Variants in CHDH observed in about 807,000 individuals in gnomAD.
CHDH encodes choline dehydrogenase.
CHDH carries 43 observed loss-of-function variants against 56.9 expected under a neutral mutation model. The observed-to-expected ratio is 0.76, with a 90% CI of 0.59 to 0.97. CHDH has a LOEUF of 0.97. CHDH is among the 50% of genes least tolerant of loss of function. CHDH has a pLI of 0.00. For synonymous variants in CHDH, 364 were observed against 348.5 expected (o/e 1.04, Z -0.50); for missense variants, 816 against 821.1 (o/e 0.99, Z 0.08).
At chr3:53,826,660 T>TA (rs2095639622) in intron 2 of CHDH, among the ~76,000 whole-genome samples, 1 of 152,136 alleles carries the variant, frequency 6.6e-6, no homozygotes, top group Non-Finnish European at 1.5e-5. Context: ...TACCTGACGG[T>TA]AAAAAATTCA....
rs2095615865 is a variant in CHDH at position 53,816,235 on chromosome 3, A to G, written c.*1542T>C. 1 of 145,232 alleles carries G rather than the reference A, an allele frequency of 6.9e-6. No individual in the cohort carries two copies. 9.0% of individuals were successfully genotyped at this position (145,232 alleles called of 1,614,324 possible). On this transcript the variant is annotated 3_prime_UTR_variant, in exon 9 of 9. Coordinates refer to ENST00000315251, the MANE Select transcript of CHDH (RefSeq NM_018397.5). Reference sequence around the variant, plus strand: ...CTCCCGTCCTTATTCTGGGCCTAGTATAGCTGCAGGTTTCCACGCAACAAT... The same window carrying G: ...CTCCCGTCCTTATTCTGGGCCTAGTGTAGCTGCAGGTTTCCACGCAACAAT...
At chr3:53,835,576 G>C (rs1162553808) in intron 2 of CHDH, among the ~76,000 whole-genome samples, 1 of 152,162 alleles carries the variant, frequency 6.6e-6, no homozygotes, top group East Asian at 1.9e-4. Flanking sequence ...TTTTCCATCT[G>C]GCCTTCTAGT....
rs1191479507 is a variant in CHDH, at chr3:53,813,272, CTTTT to C, written c.*4501_*4504del. On this transcript the variant is annotated 3_prime_UTR_variant, in exon 9 of 9. Transcript: ENST00000315251. ...AAATGACTCTTTCCTGACATAAATC[CTTTT>C]TTATTAAAATGCAAAATGTTCTTCA... 6.6e-6 allele frequency: 1 copy of C among 151,890 alleles called. No individual in the cohort carries two copies. Among genetic ancestry groups the C allele is most frequent in the Non-Finnish European group, 1.5e-5 (1 of 67,986 alleles). 9.4% of individuals were successfully genotyped at this position (151,890 alleles called of 1,614,324 possible).
At chr3:53,845,269 G>C (rs570657644) in intron 1 of CHDH, among the ~76,000 whole-genome samples, 2 of 152,300 alleles carry the variant, frequency 1.3e-5, no homozygotes, top group African/African-American at 4.8e-5. Context: ...CCCAGTCCAT[G>C]CAAGCCTTAA....
intron 4 of CHDH, among the ~76,000 whole-genome samples, chr3:53,822,200 C>G (rs1024594957): frequency 1.3e-5 from 2 of 152,108 alleles, no homozygotes; most frequent in Admixed American, 1.3e-4. Context: ...AAACCTATAG[C>G]TTTCTGTGAC....
intron 2 of CHDH, among the ~76,000 whole-genome samples, chr3:53,836,222 C>T (rs1020639327): frequency 6.6e-6 from 1 of 152,116 alleles, no homozygotes; most frequent in African/African-American, 2.4e-5. Flanking sequence ...GGCAGCTGCT[C>T]CTCCTCTCTC....
Position 53,824,172 on chromosome 3 carries a change from T to A in CHDH, c.-59-105A>T. 8.2e-6 allele frequency: 5 copies of A among 608,970 alleles called. No homozygotes were observed. In the South Asian group the frequency reaches 8.3e-5, roughly 10 times the overall value. 37.7% of individuals were successfully genotyped at this position (608,970 alleles called of 1,614,324 possible). A position where few individuals can be genotyped will look rare whatever the true frequency, so the allele number is the denominator to read the frequency against. On this transcript the variant is annotated intron_variant, in intron 2 of 8. Coordinates refer to ENST00000315251, the MANE Select transcript of CHDH (RefSeq NM_018397.5). ...TGCAGCAGGCCCAGCCTGATGTGGC[T>A]GCTCAAAGGAACTAGGAGGAGGAAG...
At chr3:53,838,933 T>C (rs1698589211) in intron 2 of CHDH, among the ~76,000 whole-genome samples, 1 of 152,134 alleles carries the variant, frequency 6.6e-6, no homozygotes, top group African/African-American at 2.4e-5. Context: ...ACCACCTGGA[T>C]CAGGCCCCAT....
rs1237801864 is a variant in CHDH at position 53,817,578 on chromosome 3, C to T, written c.*199G>A. ...TCCCCAAATGGCCCACAGGGAAAGG[C>T]TGGGGAAAAGGAGCTGGATTCACTG... On this transcript the variant is annotated 3_prime_UTR_variant, in exon 9 of 9. Transcript: ENST00000315251. The T allele has an allele frequency of 7.2e-6, 4 of 556,570 alleles. No homozygotes were observed. Among genetic ancestry groups the T allele is most frequent in the Non-Finnish European group, 1.2e-5 (4 of 320,338 alleles). The allele number at this position is 556,570 out of a possible 1,614,324, so 34.5% of individuals were successfully genotyped here. A position where few individuals can be genotyped will look rare whatever the true frequency, so the allele number is the denominator to read the frequency against.
chr3:53,823,982 GC>G lies in CHDH; in HGVS notation c.26del (p.Gly9AlafsTer209). 1 of 1,501,330 alleles carries G rather than the reference GC, an allele frequency of 6.7e-7. No homozygotes were observed. The highest frequency in any genetic ancestry group is 8.8e-7 in the Non-Finnish European group (1 of 1,134,934). The allele number at this position is 1,501,330 out of a possible 1,614,324, so 93.0% of individuals were successfully genotyped here. On this transcript the variant is annotated frameshift_variant, in exon 3 of 9. Transcript: ENST00000315251. LOFTEE classifies it high-confidence loss of function. MWCLLRGL[G>X]RPGALARGAL... is the part of the protein sequence containing the mutation. ...CTCCCCGTGCCAGGGCTCCAGGCCG[GC>G]CCAGGCCTCGTAGGAGACACCACAT...
Position 53,818,008 on chromosome 3 carries a change from C to A in CHDH, c.1554G>T (p.Met518Ile). The A allele has an allele frequency of 6.2e-7, 1 of 1,614,192 alleles. No individual in the cohort carries two copies. Among genetic ancestry groups the A allele is most frequent in the Admixed American group, 1.7e-5 (1 of 60,024 alleles). Residue 518 changes from methionine to isoleucine, a missense_variant, in exon 9 of 9, where the codon ATG becomes ATT. Physicochemically the swap from Met to Ile is conservative, Grantham distance 10. Coordinates refer to ENST00000315251, the MANE Select transcript of CHDH (RefSeq NM_018397.5). ...SAYHPSCTCKMGQPSDPTAVV... is the reference protein window; with the variant it reads ...SAYHPSCTCKIGQPSDPTAVV... ...CGGCAGTGGGATCGGAGGGCTGGCC[C>A]ATCTTACAGGTGCACGAGGGGTGGT... is the stretch of plus-strand genomic sequence containing the variant.
chr3:53,838,056 C>CAAAAA (rs34971544), intron 2 of CHDH, among the ~76,000 whole-genome samples: 14 of 58,818 alleles, frequency 2.4e-4, no homozygotes, highest in African/African-American at 9.0e-4. Context: ...GACTCTGTCT[C>CAAAAA]AAAAAAAAAA....
intron 2 of CHDH, among the ~76,000 whole-genome samples, chr3:53,824,639 G>A (rs1196913168): frequency 1.3e-5 from 2 of 152,232 alleles, no homozygotes; most frequent in African/African-American, 4.8e-5. Context: ...GGGAGCACTA[G>A]AGGGATTTGA....
intron 1 of CHDH, among the ~76,000 whole-genome samples, chr3:53,845,427 G>C (rs973250586): frequency 2.6e-5 from 4 of 152,194 alleles, no homozygotes; most frequent in Admixed American, 2.6e-4. Flanking sequence ...CTGTAGAATG[G>C]AGCTAATTCT....
intron 8 of CHDH, 111 bp downstream of exon 8, chr3:53,818,827 G>A: frequency 1.3e-6 from 1 of 782,054 alleles, no homozygotes; most frequent in Non-Finnish European, 2.3e-6. Flanking sequence ...ACGACAGAGG[G>A]TCACTTGTGT....
At chr3:53,821,055 A>G (rs1167449733) in intron 5 of CHDH, among the ~76,000 whole-genome samples, 6 of 152,204 alleles carry the variant, frequency 3.9e-5, no homozygotes, top group African/African-American at 1.4e-4. Flanking sequence ...ATCCAAGCCT[A>G]CTGGGACACT....
rs1045062494 is a variant in CHDH, at chr3:53,821,028, C to T, written c.986-420G>A. Among the ~76,000 whole-genome samples the T allele has an allele frequency of 8.5e-5, 13 of 152,240 alleles. No individual in the cohort carries two copies. The East Asian group carries it at 9.6e-4, about 11-fold the overall frequency. On this transcript the variant is annotated intron_variant, in intron 5 of 8. Transcript: ENST00000315251. ...AGGAAGCAGCCCTGTCGTGCTACACCGTCCTTGCATGAATTCATCCAAGCC... is the reference window on the plus strand; with the variant it reads ...AGGAAGCAGCCCTGTCGTGCTACACTGTCCTTGCATGAATTCATCCAAGCC...
chr3:53,820,089 T>C (rs2095623305), intron 6 of CHDH, among the ~76,000 whole-genome samples: 1 of 152,196 alleles, frequency 6.6e-6, no homozygotes, highest in East Asian at 1.9e-4. Context: ...GGTTGAAAGA[T>C]GAATGCTGAT....
At position 53,816,882 on chromosome 3, in the gene CHDH, G is replaced by A. The variant is rs2095616915; in HGVS notation, c.*895C>T. On this transcript the variant is annotated 3_prime_UTR_variant, in exon 9 of 9. Coordinates refer to ENST00000315251, the MANE Select transcript of CHDH (RefSeq NM_018397.5). ...TTTTTTTGAGACAGGGTCTCACCCT[G>A]TCACCCAGGCTGGAGTGCAGTGGTG... 1 of 119,416 alleles carries A rather than the reference G, an allele frequency of 8.4e-6. No homozygotes were observed. The highest frequency in any genetic ancestry group is 1.6e-5 in the Non-Finnish European group (1 of 61,270). The allele number at this position is 119,416 out of a possible 1,614,324, so 7.4% of individuals were successfully genotyped here.
Sources: allele counts gnomAD v4.1 joint callset (sites outside exome capture counted in the v4.1 genomes callset), GRCh38; gene constraint gnomAD v4.1.1; transcripts MANE v1.5; gene names NCBI Gene and HGNC (gene_info 2026-07-23, HGNC 2026-07-21).